The following BIRC6 variants were observed in gnomAD, a reference collection of about 807,000 sequenced individuals.
BIRC6 encodes the protein baculoviral IAP repeat containing 6, also known as dual E2 ubiquitin-conjugating enzyme/E3 ubiquitin-protein ligase BIRC6.
BIRC6 carries 98 observed loss-of-function variants against 503.3 expected under a neutral mutation model. The ratio of observed to expected loss-of-function variants is 0.19; its 90% confidence interval spans 0.17 to 0.23. The LOEUF is 0.23. Among genes scored for constraint, BIRC6 ranks in the 10% least tolerant of loss-of-function variants. The pLI, the probability that BIRC6 is intolerant of heterozygous loss-of-function variation, is 1.00. For missense variants in BIRC6, 5,360 were observed against 5,806.0 expected (o/e 0.92, Z 2.50); for synonymous variants, 2,240 against 2,078.7 (o/e 1.08, Z -2.11).
At chr2:32,590,283 T>C (rs1173880073) in intron 66 of BIRC6, among the ~76,000 whole-genome samples, 2 of 152,236 alleles carry the variant, frequency 1.3e-5, no homozygotes, top group Non-Finnish European at 2.9e-5. Flanking sequence ...CATTCTCTTA[T>C]AGTTTTAGAA....
chr2:32,589,205 A>G (rs2061252690), intron 66 of BIRC6, among the ~76,000 whole-genome samples: 1 of 152,188 alleles, frequency 6.6e-6, no homozygotes, highest in African/African-American at 2.4e-5. Flanking sequence ...AAATGACTCT[A>G]TGTTCAGTGT....
intron 1 of BIRC6, among the ~76,000 whole-genome samples, chr2:32,364,493 G>T (rs1400989849): frequency 6.6e-6 from 1 of 152,228 alleles, no homozygotes; most frequent in African/African-American, 2.4e-5. Flanking sequence ...CGCCCGCCCT[G>T]GCCTCCCAAA....
At chr2:32,572,078 C>G (rs1348055106) in intron 65 of BIRC6, among the ~76,000 whole-genome samples, 1 of 152,066 alleles carries the variant, frequency 6.6e-6, no homozygotes, top group Non-Finnish European at 1.5e-5. Flanking sequence ...CCACTGTGGT[C>G]TTGAGAAGAT....
intron 45 of BIRC6, among the ~76,000 whole-genome samples, chr2:32,494,518 G>T (rs1385740979): frequency 6.6e-6 from 1 of 151,908 alleles, no homozygotes; most frequent in Admixed American, 6.6e-5. Flanking sequence ...GAGCCACTGT[G>T]CCTGGCCGAA....
At position 32,392,081 on chromosome 2, in the gene BIRC6, C is replaced by T; in HGVS notation, c.882C>T (p.Thr294=). ...YSEANRRETF[T]SWPHVGYRWA... ...AAGCTAACAGACGGGAGACATTTAC[C>T]TCATGGCCTCATGTAGGCTATAGGT... Residue 294 remains threonine (T), a synonymous_variant, in exon 5 of 74, where the codon ACC becomes ACT. Coordinates refer to ENST00000421745, the MANE Select transcript of BIRC6 (RefSeq NM_016252.4). 6.3e-7 allele frequency: 1 copy of T among 1,597,224 alleles called. No homozygotes were observed. Among genetic ancestry groups the T allele is most frequent in the Non-Finnish European group, 8.5e-7 (1 of 1,171,188 alleles).
intron 57 of BIRC6, among the ~76,000 whole-genome samples, chr2:32,519,975 A>T (rs565850719): frequency 6.6e-6 from 1 of 152,220 alleles, no homozygotes; most frequent in African/African-American, 2.4e-5. Flanking sequence ...GATAGTTGTG[A>T]TCTTATGTCT....
intron 73 of BIRC6, among the ~76,000 whole-genome samples, chr2:32,614,227 C>T (rs1178865996): frequency 6.6e-6 from 1 of 152,178 alleles, no homozygotes; most frequent in Admixed American, 6.5e-5. Context: ...GTCCTCTCCC[C>T]AACCCATGAT....
In BIRC6 at chr2:32,499,731, A is replaced by T. The variant is rs1377433521; in HGVS notation, c.8653A>T (p.Ser2885Cys). 1 of 1,614,044 alleles carries T rather than the reference A, an allele frequency of 6.2e-7. No individual in the cohort carries two copies. The highest frequency in any genetic ancestry group is 2.2e-5 in the East Asian group (1 of 44,890). Residue 2885 changes from serine (S) to cysteine (C), a missense_variant, in exon 46 of 74, where the codon AGC becomes TGC. Ser to Cys is a moderately radical substitution (Grantham distance 112). This residue lies in a region of BIRC6 where 2,299 missense variants were observed against 2,267.2 expected (regional missense o/e 1.01). Transcript: ENST00000421745. ...AGTAATGTCAAGAAGTGGATCAGAT[A>T]GCTCCGTGGGTGCTCGAGCATGCTT... Reference protein sequence around the residue: ...DKVMSRSGSDSSVGARACFGG... With the variant: ...DKVMSRSGSDCSVGARACFGG...
At chr2:32,471,970 A>G (rs1401588524) in intron 32 of BIRC6, among the ~76,000 whole-genome samples, 1 of 152,186 alleles carries the variant, frequency 6.6e-6, no homozygotes, top group Non-Finnish European at 1.5e-5. Flanking sequence ...TGTATAAGGA[A>G]TTTGCTTTAT....
At chr2:32,391,023 G>A (rs2149550620) in intron 4 of BIRC6, among the ~76,000 whole-genome samples, 1 of 152,234 alleles carries the variant, frequency 6.6e-6, no homozygotes, top group South Asian at 2.1e-4. Context: ...ATATGCCTGA[G>A]ATGGGAAAAA....
chr2:32,453,667 T>C, intron 22 of BIRC6, 141 bp from the exon 23 acceptor site: 1 of 747,318 alleles, frequency 1.3e-6, no homozygotes, highest in South Asian at 2.5e-5. Flanking sequence ...CTTAATACCA[T>C]GCCCATGATT....
chr2:32,532,065 G>A (rs1472581096), intron 61 of BIRC6: 5 of 522,254 alleles, frequency 9.6e-6, no homozygotes, highest in Non-Finnish European at 1.9e-5. Flanking sequence ...ATGGTGCATG[G>A]AGAGTTGTAA....
rs1356908853 is a variant in BIRC6 at position 32,463,321 on chromosome 2, C to T, written c.4881C>T (p.Ala1627=). The T allele has an allele frequency of 1.2e-5, 20 of 1,613,612 alleles. No individual in the cohort carries two copies. Among genetic ancestry groups the T allele is most frequent in the East Asian group, 8.9e-5 (4 of 44,870 alleles). The change falls in exon 24 of 74, where the codon GCC becomes GCT. Residue 1627 remains alanine (A), a synonymous_variant. Transcript: ENST00000421745. ...CTCTCTCTCATGCAATGGCTTCAGCCGAGCAACAGCTACAGGTGCTGCAAG... is the reference window on the plus strand; with the variant it reads ...CTCTCTCTCATGCAATGGCTTCAGCTGAGCAACAGCTACAGGTGCTGCAAG... ...LQSLSHAMAS[A]EQQLQVLQEK... is the part of the protein sequence containing the mutation.
At chr2:32,396,817 G>A (rs1326452115) in intron 6 of BIRC6, among the ~76,000 whole-genome samples, 2 of 151,956 alleles carry the variant, frequency 1.3e-5, no homozygotes, top group Non-Finnish European at 1.5e-5. Context: ...TCTACCTCCC[G>A]GGTTCAGGCG....
intron 1 of BIRC6, among the ~76,000 whole-genome samples, chr2:32,375,450 T>C (rs1204455534): frequency 6.6e-6 from 1 of 151,860 alleles, no homozygotes; most frequent in Non-Finnish European, 1.5e-5. Context: ...GGCGTTGCCC[T>C]GGGCAACGTA....
rs553914960 is a variant in BIRC6 at position 32,603,001 on chromosome 2, G to A, written c.13993-5G>A. ...AATTCTGTTTATGCTTTTTTCGTTC[G>A]TCAGGTTTGTTTAAGCATCTTAAAC... On this transcript the variant is annotated splice_region_variant and splice_polypyrimidine_tract_variant and intron_variant, in intron 70 of 73. Transcript: ENST00000421745. The A allele has an allele frequency of 3.9e-5, 63 of 1,598,098 alleles. No homozygotes were observed. The Middle Eastern group carries it at 8.4e-4, about 21-fold the overall frequency.
intron 15 of BIRC6, among the ~76,000 whole-genome samples, chr2:32,438,369 G>T (rs1224933555): frequency 6.6e-6 from 1 of 152,142 alleles, no homozygotes; most frequent in African/African-American, 2.4e-5. Flanking sequence ...CAGGCAGGTA[G>T]CTAAGTAGAG....
intron 65 of BIRC6, among the ~76,000 whole-genome samples, chr2:32,554,804 T>A (rs2058665852): frequency 6.6e-6 from 1 of 152,116 alleles, no homozygotes; most frequent in Non-Finnish European, 1.5e-5. Flanking sequence ...GTATTTAATT[T>A]CATAAGTATA....
intron 53 of BIRC6, among the ~76,000 whole-genome samples, chr2:32,511,450 C>G (rs1031138295): frequency 2.1e-5 from 3 of 145,080 alleles, no homozygotes; most frequent in African/African-American, 7.6e-5. Context: ...GCTGGGTCTA[C>G]AGGCGACCAC....
Sources: gnomAD v4.1 joint callset for allele counts (sites outside exome capture counted in the v4.1 genomes callset) on GRCh38, gnomAD v4.1.1 for gene constraint, gnomAD v4.1.1 regional missense constraint, MANE v1.5 for transcripts, NCBI Gene and HGNC (gene_info 2026-07-23, HGNC 2026-07-21) for gene names.